Variants in CAPRIN1 observed in about 807,000 individuals in gnomAD.
The protein encoded by CAPRIN1 is caprin-1.
CAPRIN1 carries 29 observed loss-of-function variants against 100.9 expected under a neutral mutation model. The ratio of observed to expected loss-of-function variants is 0.29; its 90% confidence interval spans 0.21 to 0.39. The LOEUF is 0.39. Among genes scored for constraint, CAPRIN1 ranks in the 10% least tolerant of loss-of-function variants. The probability of loss-of-function intolerance (pLI) is 1.00; values close to 1 mark genes in which losing one functional copy is unlikely to be tolerated. For synonymous variants in CAPRIN1, 338 were observed against 307.5 expected (o/e 1.10, Z -1.04); for missense variants, 795 against 876.7 (o/e 0.91, Z 1.18).
intron 9 of CAPRIN1, among the ~76,000 whole-genome samples, chr11:34,085,635 C>T (rs901320230): frequency 1.3e-5 from 2 of 152,032 alleles, no homozygotes; most frequent in Non-Finnish European, 2.9e-5. Context: ...GAAACCCTGT[C>T]TCCGCTAAAA....
chr11:34,065,839 C>T (rs531157802), intron 2 of CAPRIN1, among the ~76,000 whole-genome samples: 4 of 152,128 alleles, frequency 2.6e-5, no homozygotes, highest in Non-Finnish European at 5.9e-5. Context: ...GACTTAGGAT[C>T]CTGCTTTCCT....
chr11:34,071,994 A>G lies in CAPRIN1; in HGVS notation c.366+7A>G, dbSNP rs770783425. On this transcript the variant is annotated splice_region_variant and intron_variant, in intron 4 of 18. Coordinates refer to ENST00000341394, the MANE Select transcript of CAPRIN1 (RefSeq NM_005898.5). ...CATGGCACTAAGTCAAGATGTAAGT[A>G]AAAGAAAGTATACATATTTATGAAA... 7.0e-6 allele frequency: 11 copies of G among 1,562,568 alleles called. No individual in the cohort carries two copies. Among genetic ancestry groups the G allele is most frequent in the Admixed American group, 1.7e-5 (1 of 58,862 alleles).
intron 6 of CAPRIN1, among the ~76,000 whole-genome samples, chr11:34,078,546 C>A (rs1850949550): frequency 1.3e-5 from 2 of 152,154 alleles, no homozygotes; most frequent in Admixed American, 6.5e-5. Flanking sequence ...GACGCAGTTG[C>A]TTAACTGAGT....
rs752338090 is a variant in CAPRIN1 at position 34,096,543 on chromosome 11, T to G, written c.1770T>G (p.Pro590=). The G allele has an allele frequency of 2.5e-6, 4 of 1,614,106 alleles. No homozygotes were observed. In the East Asian group the frequency reaches 6.7e-5, roughly 27 times the overall value. The change falls in exon 16 of 19, where the codon CCT becomes CCG. Residue 590 remains proline (P), a synonymous_variant. Transcript: ENST00000341394. ...AAGTGACTGGTAACCACCAGCAGCCTCCTCAGCAGAACACTGGATTTCCAC... is the reference window on the plus strand; with the variant it reads ...AAGTGACTGGTAACCACCAGCAGCCGCCTCAGCAGAACACTGGATTTCCAC... ...SHQVTGNHQQ[P]PQQNTGFPRS...
intron 2 of CAPRIN1, chr11:34,053,079 C>T (rs909103800): frequency 8.8e-6 from 9 of 1,025,922 alleles, no homozygotes; most frequent in Non-Finnish European, 1.1e-5. Context: ...GTTGGGGCGG[C>T]CTGCGTCCTG....
intron 18 of CAPRIN1, chr11:34,098,706 C>T: frequency 2.0e-6 from 2 of 984,896 alleles, no homozygotes; most frequent in Non-Finnish European, 2.4e-6. Flanking sequence ...GGGTTATGTT[C>T]TTTCCCACCT....
intron 13 of CAPRIN1, 25 bp from the exon 14 acceptor site, chr11:34,090,504 G>A (rs1459644894): frequency 6.2e-7 from 1 of 1,604,480 alleles, no homozygotes; most frequent in Non-Finnish European, 8.5e-7. Flanking sequence ...TACCGCTAAA[G>A]TGCATCTATT....
At chr11:34,065,306 T>G (rs1372904108) in intron 2 of CAPRIN1, among the ~76,000 whole-genome samples, 1 of 152,216 alleles carries the variant, frequency 6.6e-6, no homozygotes, top group Non-Finnish European at 1.5e-5. Flanking sequence ...ATATGTTTGA[T>G]TCAGAATAAT....
At chr11:34,098,761 C>T in intron 18 of CAPRIN1, 1 of 985,024 alleles carries the variant, frequency 1.0e-6, no homozygotes, top group Non-Finnish European at 1.2e-6. Context: ...AGCTAAAAAT[C>T]TGTTTTAACA....
At position 34,090,372 on chromosome 11, in the gene CAPRIN1, G is replaced by T; in HGVS notation, c.1404+83G>T. 2.4e-6 allele frequency: 3 copies of T among 1,243,592 alleles called. No individual in the cohort carries two copies. The South Asian group carries it at 3.8e-5, about 16-fold the overall frequency. The allele number at this position is 1,243,592 out of a possible 1,614,324, so 77.0% of individuals were successfully genotyped here. A position where few individuals can be genotyped will look rare whatever the true frequency, so the allele number is the denominator to read the frequency against. Reference sequence around the variant, plus strand: ...AGATGTACATTACCATTAATATAATGATTCTTCTTTTTGGACCTACTTTGC... The same window carrying T: ...AGATGTACATTACCATTAATATAATTATTCTTCTTTTTGGACCTACTTTGC... On this transcript the variant is annotated intron_variant, in intron 13 of 18. Transcript: ENST00000341394.
At chr11:34,094,259 T>C (rs1565098104) in intron 15 of CAPRIN1, among the ~76,000 whole-genome samples, 1 of 151,802 alleles carries the variant, frequency 6.6e-6, no homozygotes, top group African/African-American at 2.4e-5. Context: ...TTCAAGCGAT[T>C]CTCCTGCCTC....
intron 2 of CAPRIN1, chr11:34,053,057 C>T (rs1850364108): frequency 1.9e-6 from 2 of 1,032,150 alleles, no homozygotes; most frequent in South Asian, 3.2e-5. Context: ...GTTCAACCGA[C>T]CGCCTCGTGG....
chr11:34,065,126 A>AT (rs368354789), intron 2 of CAPRIN1, among the ~76,000 whole-genome samples: 6 of 149,696 alleles, frequency 4.0e-5, no homozygotes, highest in South Asian at 2.1e-4. Flanking sequence ...CGCCCGACTA[A>AT]TTTTTTTTTG....
At chr11:34,084,146 G>C (rs1851090245) in intron 9 of CAPRIN1, among the ~76,000 whole-genome samples, 1 of 151,968 alleles carries the variant, frequency 6.6e-6, no homozygotes, top group Non-Finnish European at 1.5e-5. Flanking sequence ...TAGAGATGGG[G>C]TTTCACCATT....
intron 6 of CAPRIN1, among the ~76,000 whole-genome samples, chr11:34,079,187 C>T (rs573160612): frequency 4.6e-5 from 7 of 152,288 alleles, no homozygotes; most frequent in Admixed American, 3.9e-4. Flanking sequence ...GTGGGCATAT[C>T]GCCTGAGGTC....
At chr11:34,099,104 T>C in intron 18 of CAPRIN1, 199 bp from the exon 19 acceptor site, 2 of 1,427,186 alleles carry the variant, frequency 1.4e-6, no homozygotes, top group Admixed American at 2.9e-5. Flanking sequence ...TACTCTTCTT[T>C]TAGCTAAGAG....
At chr11:34,094,140 G>A (rs1425261107) in intron 15 of CAPRIN1, among the ~76,000 whole-genome samples, 1 of 152,118 alleles carries the variant, frequency 6.6e-6, no homozygotes, top group Non-Finnish European at 1.5e-5. Context: ...ATTGCTTGAG[G>A]CCAGGCGTTC....
intron 2 of CAPRIN1, chr11:34,052,926 CAT>C (rs1565079020): frequency 6.3e-6 from 8 of 1,268,234 alleles, no homozygotes; most frequent in East Asian, 4.3e-5. Context: ...AGGAGTGGGA[CAT>C]GTGAGGGTGG....
At chr11:34,093,200 A>AT (rs1311443922) in intron 15 of CAPRIN1, among the ~76,000 whole-genome samples, 27 of 3,502 alleles carry the variant, frequency 7.7e-3, no homozygotes, top group African/African-American at 0.011. Context: ...TTTTTTATAT[A>AT]TATATTTTTT....
Sources: allele counts gnomAD v4.1 joint callset (sites outside exome capture counted in the v4.1 genomes callset), GRCh38; gene constraint gnomAD v4.1.1; transcripts MANE v1.5; gene names NCBI Gene and HGNC (gene_info 2026-07-23, HGNC 2026-07-21).